The following PSAT1 variants were observed in gnomAD, a reference collection of about 807,000 sequenced individuals.
PSAT1 encodes phosphoserine aminotransferase.
A neutral mutation model predicts 40.3 loss-of-function variants in PSAT1; 41 were observed. The observed-to-expected ratio is 1.02, with a 90% CI of 0.79 to 1.32. PSAT1 has a LOEUF of 1.32. Ranked by LOEUF, PSAT1 falls within the 40% of genes most tolerant of loss-of-function variation. The pLI is 0.00. For synonymous variants in PSAT1, 147 were observed against 170.5 expected, an observed-to-expected ratio of 0.86 and a Z score of 1.07; for missense variants, 406 against 455.8, an observed-to-expected ratio of 0.89 and a Z score of 0.99.
chr9:78,313,588 A>G (rs1034430933), intron 6 of PSAT1, among the ~76,000 whole-genome samples: 6 of 152,140 alleles, frequency 3.9e-5, no homozygotes, highest in African/African-American at 1.4e-4. Flanking sequence ...CCACTCCACA[A>G]TATACCATGG....
At chr9:78,311,982 C>T (rs73651316) in intron 6 of PSAT1, among the ~76,000 whole-genome samples, 1,979 of 152,128 alleles carry the variant, frequency 0.013, 37 homozygotes, top group African/African-American at 0.044. Flanking sequence ...GATGGGGTAC[C>T]TGGAGCCCTT....
rs536714260 is a variant in PSAT1 at position 78,304,990 on chromosome 9, C to A, written c.397+50C>A. 5 of 1,553,150 alleles carry A rather than the reference C, an allele frequency of 3.2e-6. No homozygotes were observed. In the South Asian group the frequency reaches 5.6e-5, roughly 17 times the overall value. On this transcript the variant is annotated intron_variant, in intron 4 of 8. Coordinates refer to ENST00000376588, the MANE Select transcript of PSAT1 (RefSeq NM_058179.4). ...TGGTGACGTGCTCAATGGTGGGTTACCCCGACCCAGGGCAATCTGTAGTTT... is the reference window on the plus strand; with the variant it reads ...TGGTGACGTGCTCAATGGTGGGTTAACCCGACCCAGGGCAATCTGTAGTTT...
chr9:78,297,749 C>T (rs1828047593), intron 1 of PSAT1, among the ~76,000 whole-genome samples: 1 of 152,202 alleles, frequency 6.6e-6, no homozygotes, highest in Non-Finnish European at 1.5e-5. Flanking sequence ...GAACCGATGA[C>T]AGGTTTTGCA....
At chr9:78,301,453 C>T (rs939757363) in intron 2 of PSAT1, among the ~76,000 whole-genome samples, 1 of 152,156 alleles carries the variant, frequency 6.6e-6, no homozygotes, top group African/African-American at 2.4e-5. Flanking sequence ...CATTCTAAAA[C>T]TTATTTTCTT....
chr9:78,301,655 GA>G (rs1214678434), intron 2 of PSAT1, among the ~76,000 whole-genome samples: 2 of 152,232 alleles, frequency 1.3e-5, no homozygotes, highest in African/African-American at 4.8e-5. Context: ...CTGTTTGTGA[GA>G]AAGAGATGGT....
rs1828413692 is a variant in PSAT1, at chr9:78,320,510, TC to T, written c.869+2708del. Among the ~76,000 whole-genome samples, 3 of 150,740 alleles carry T rather than the reference TC, an allele frequency of 2.0e-5. No homozygotes were observed. The East Asian group carries it at 5.9e-4, about 30-fold the overall frequency. On this transcript the variant is annotated intron_variant, in intron 7 of 8. Transcript: ENST00000376588. The stretch of plus-strand genomic sequence containing the variant: ...ATCTACCCATCTATCTATCCATCCA[TC>T]CATCCATCCACTCATTCATCCACCC...
chr9:78,328,963 G>A lies in PSAT1; in HGVS notation c.1008-18G>A. 6.3e-7 allele frequency: 1 copy of A among 1,597,300 alleles called. No homozygotes were observed. Among genetic ancestry groups the A allele is most frequent in the Non-Finnish European group, 8.6e-7 (1 of 1,164,736 alleles). On this transcript the variant is annotated intron_variant, in intron 8 of 8. Coordinates refer to ENST00000376588, the MANE Select transcript of PSAT1 (RefSeq NM_058179.4). Reference sequence around the variant, plus strand: ...TAGACGTTTTTGTTCTCAATGCCTGGATCTTTGGTCATTCTAGGTCTGTGG... The same window carrying A: ...TAGACGTTTTTGTTCTCAATGCCTGAATCTTTGGTCATTCTAGGTCTGTGG...
At position 78,328,066 on chromosome 9, in the gene PSAT1, C is replaced by G. The variant is rs2118714975; in HGVS notation, c.885C>G (p.Pro295=). The G allele has an allele frequency of 6.2e-7, 1 of 1,611,222 alleles. No homozygotes were observed. Among genetic ancestry groups the G allele is most frequent in the East Asian group, 2.2e-5 (1 of 44,850 alleles). ...TGTTTTTCAGTTGTCCAGTGGAGCC[C>G]CAAAATAGAAGCAAGATGAATATTC... is the stretch of plus-strand genomic sequence containing the variant. ...SQGFYVCPVE[P]QNRSKMNIPF... is the part of the protein sequence containing the mutation. Residue 295 remains proline, a synonymous_variant, in exon 8 of 9, where the codon CCC becomes CCG. Transcript: ENST00000376588.
chr9:78,306,282 G>C (rs770270396), intron 4 of PSAT1, 32 bp from the exon 5 acceptor site: 1 of 1,611,622 alleles, frequency 6.2e-7, no homozygotes, highest in South Asian at 1.1e-5. Context: ...AGAGTGAAAA[G>C]TGCAAAGTCT....
chr9:78,318,889 G>A (rs912992635), intron 7 of PSAT1, among the ~76,000 whole-genome samples: 17 of 152,200 alleles, frequency 1.1e-4, no homozygotes, highest in Non-Finnish European at 4.4e-5. Context: ...AGCACCTAGT[G>A]CGGTGCCTTG....
At chr9:78,320,440 C>T (rs573358097) in intron 7 of PSAT1, among the ~76,000 whole-genome samples, 1 of 151,880 alleles carries the variant, frequency 6.6e-6, no homozygotes, top group South Asian at 2.1e-4. Context: ...ACCCATCCAT[C>T]TATCCATCCA....
At chr9:78,306,921 G>C (rs143519076) in intron 5 of PSAT1, among the ~76,000 whole-genome samples, 1,816 of 152,294 alleles carry the variant, frequency 0.012, 37 homozygotes, top group African/African-American at 0.042. Context: ...GCAGGGCAGT[G>C]GGACTGGCGC....
In PSAT1 at chr9:78,306,264, GA is replaced by G. The variant is rs751969694; in HGVS notation, c.398-47del. On this transcript the variant is annotated intron_variant, in intron 4 of 8. Coordinates refer to ENST00000376588, the MANE Select transcript of PSAT1 (RefSeq NM_058179.4). ...CCTGGTTGACTCCCATCTATGTAAG[GA>G]AAGAGGAGAGTGAAAAGTGCAAAGT... The G allele has an allele frequency of 5.0e-6, 8 of 1,598,624 alleles. No homozygotes were observed. In the African/African-American group the frequency reaches 1.1e-4, roughly 21 times the overall value.
chr9:78,303,166 A>G (rs772033838), intron 3 of PSAT1, among the ~76,000 whole-genome samples: 2 of 152,218 alleles, frequency 1.3e-5, no homozygotes, highest in Admixed American at 6.5e-5. Context: ...TATTACATTA[A>G]CAAAATTGGA....
At chr9:78,315,303 C>T (rs549745997) in intron 6 of PSAT1, among the ~76,000 whole-genome samples, 1 of 152,210 alleles carries the variant, frequency 6.6e-6, no homozygotes, top group Non-Finnish European at 1.5e-5. Context: ...AAGCTGCTTG[C>T]CAGATGACTT....
chr9:78,315,790 TA>T (rs1368571085), intron 6 of PSAT1, among the ~76,000 whole-genome samples: 2 of 152,228 alleles, frequency 1.3e-5, no homozygotes, highest in African/African-American at 4.8e-5. Context: ...CCAGTTGGTA[TA>T]GGGGGCTTCC....
chr9:78,329,920 C>T lies in PSAT1; in HGVS notation c.*834C>T, dbSNP rs957896304. 1 of 152,128 alleles carries T rather than the reference C, an allele frequency of 6.6e-6. No individual in the cohort carries two copies. The highest frequency in any genetic ancestry group is 1.5e-5 in the Non-Finnish European group (1 of 68,024). 9.4% of individuals were successfully genotyped at this position (152,128 alleles called of 1,614,324 possible). On this transcript the variant is annotated 3_prime_UTR_variant, in exon 9 of 9. Coordinates refer to ENST00000376588, the MANE Select transcript of PSAT1 (RefSeq NM_058179.4). ...ATTGGTTGGTTGTTTTTCAATTATG[C>T]CATTAAACTAAACATTTCTGTTAAA...
chr9:78,302,833 T>A (rs1587633855), intron 3 of PSAT1, among the ~76,000 whole-genome samples: 1 of 152,174 alleles, frequency 6.6e-6, no homozygotes, highest in East Asian at 1.9e-4. Flanking sequence ...ACAGGCTCTT[T>A]GGGTAATTGT....
At chr9:78,299,496 C>CT (rs5898580) in intron 1 of PSAT1, among the ~76,000 whole-genome samples, 96,694 of 142,312 alleles carry the variant, frequency 0.68, 32,979 homozygotes, top group Admixed American at 0.72. Context: ...TCAAGGCAGT[C>CT]TTTTTTTTAA....
Sources: allele counts gnomAD v4.1 joint callset (sites outside exome capture counted in the v4.1 genomes callset), GRCh38; gene constraint gnomAD v4.1.1; transcripts MANE v1.5; gene names NCBI Gene and HGNC (gene_info 2026-07-23, HGNC 2026-07-21).